The following NKAIN3 variants were observed in gnomAD, a reference collection of about 807,000 sequenced individuals.
NKAIN3 encodes sodium/potassium transporting ATPase interacting 3, also known as sodium/potassium-transporting ATPase subunit beta-1-interacting protein 3.
NKAIN3 carries 25 observed loss-of-function variants against 30.2 expected under a neutral mutation model. The observed-to-expected ratio is 0.83, with a 90% CI of 0.60 to 1.16. The LOEUF (loss-of-function observed/expected upper bound fraction) is 1.16, where lower values mean the gene tolerates loss of function less well. Ranked by LOEUF, NKAIN3 falls within the 50% of genes most tolerant of loss-of-function variation. NKAIN3 has a pLI of 0.00. For synonymous variants in NKAIN3, 91 were observed against 89.6 expected, an observed-to-expected ratio of 1.02 and a Z score of -0.09; for missense variants, 225 against 254.1, an observed-to-expected ratio of 0.89 and a Z score of 0.78.
chr8:62,607,369 G>A (rs1406021363), intron 3 of NKAIN3, among the ~76,000 whole-genome samples: 2 of 152,098 alleles, frequency 1.3e-5, no homozygotes, highest in Admixed American at 6.6e-5. Flanking sequence ...AACTATGTGT[G>A]TACAAATGGG....
intron 1 of NKAIN3, among the ~76,000 whole-genome samples, chr8:62,307,201 T>C (rs1341035012): frequency 6.7e-6 from 1 of 148,460 alleles, no homozygotes; most frequent in East Asian, 2.0e-4. Context: ...ATTTTAAATA[T>C]CCTACTTAAT....
At position 62,407,214 on chromosome 8, in the gene NKAIN3, A is replaced by AT. The variant is rs1266842778; in HGVS notation, c.54+158092dup. The stretch of plus-strand genomic sequence containing the variant: ...GATAAACATATTAATATTTTAATAG[A>AT]TTTTTCCAATATTTTGTGTATATAT... On this transcript the variant is annotated intron_variant, in intron 1 of 6. Transcript: ENST00000623646. Among the ~76,000 whole-genome samples, 5 of 151,866 alleles carry AT rather than the reference A, an allele frequency of 3.3e-5. No individual in the cohort carries two copies. In the South Asian group the frequency reaches 1.0e-3, roughly 31 times the overall value.
chr8:62,420,682 A>T (rs1393705601), intron 1 of NKAIN3, among the ~76,000 whole-genome samples: 1 of 152,198 alleles, frequency 6.6e-6, no homozygotes, highest in Non-Finnish European at 1.5e-5. Flanking sequence ...TGTGTTTTGG[A>T]TTAAGTTTGA....
intron 4 of NKAIN3, among the ~76,000 whole-genome samples, chr8:62,897,337 A>G (rs1228182486): frequency 6.6e-6 from 1 of 151,398 alleles, no homozygotes; most frequent in East Asian, 2.0e-4. Flanking sequence ...TTGTATTGTA[A>G]GAAAAGCTTA....
At chr8:62,611,995 G>C (rs1811309340) in intron 3 of NKAIN3, among the ~76,000 whole-genome samples, 1 of 152,052 alleles carries the variant, frequency 6.6e-6, no homozygotes, top group East Asian at 1.9e-4. Context: ...CCTGTGGTGA[G>C]ATGATATCTC....
rs1317420081 is a variant in NKAIN3 at position 62,973,257 on chromosome 8, C to T, written c.*7850C>T. 6.6e-6 allele frequency among the ~76,000 whole-genome samples: 1 copy of T among 152,204 alleles called. No individual in the cohort carries two copies. The highest frequency in any genetic ancestry group is 2.4e-5 in the African/African-American group (1 of 41,456). On this transcript the variant is annotated 3_prime_UTR_variant, in exon 7 of 7. Transcript: ENST00000623646. ...TGAGGAATTGCCACACTGTCATCCACAATGGTTGAAGTAAATTACACTCCC... is the reference window on the plus strand; with the variant it reads ...TGAGGAATTGCCACACTGTCATCCATAATGGTTGAAGTAAATTACACTCCC...
At chr8:62,449,956 CA>C (rs1207665050) in intron 1 of NKAIN3, among the ~76,000 whole-genome samples, 1 of 152,060 alleles carries the variant, frequency 6.6e-6, no homozygotes, top group Non-Finnish European at 1.5e-5. Context: ...TTAGAGGAAG[CA>C]AAATAATGAC....
chr8:62,741,454 C>A (rs1031602050), intron 3 of NKAIN3, among the ~76,000 whole-genome samples: 1 of 151,966 alleles, frequency 6.6e-6, no homozygotes, highest in Non-Finnish European at 1.5e-5. Flanking sequence ...CTCCAACCTT[C>A]CTAAAAGCAG....
chr8:62,267,668 A>G (rs1812649888), intron 1 of NKAIN3, among the ~76,000 whole-genome samples: 2 of 152,310 alleles, frequency 1.3e-5, no homozygotes, highest in East Asian at 1.9e-4. Context: ...CAGTTGTTCA[A>G]TAGGTATTCA....
Position 62,978,714 on chromosome 8 carries a change from G to C in NKAIN3, c.*13307G>C, listed in dbSNP as rs1212664132. 6.5e-6 allele frequency: 1 copy of C among 153,060 alleles called. No individual in the cohort carries two copies. The highest frequency in any genetic ancestry group is 1.5e-5 in the Non-Finnish European group (1 of 68,460). 9.5% of individuals were successfully genotyped at this position (153,060 alleles called of 1,614,324 possible). Reference sequence around the variant, plus strand: ...CTCCCTGGTTTCAGCCCCCTTTCCAGGGGAGTGAATGGTTCTGTCTCTCTG... The same window carrying C: ...CTCCCTGGTTTCAGCCCCCTTTCCACGGGAGTGAATGGTTCTGTCTCTCTG... On this transcript the variant is annotated 3_prime_UTR_variant, in exon 7 of 7. Coordinates refer to ENST00000623646, the MANE Select transcript of NKAIN3 (RefSeq NM_001304533.3).
chr8:62,824,558 A>G (rs1382004112), intron 4 of NKAIN3, among the ~76,000 whole-genome samples: 1 of 151,972 alleles, frequency 6.6e-6, no homozygotes, highest in African/African-American at 2.4e-5. Context: ...TCTAAAAATG[A>G]TAGACACAAC....
intron 1 of NKAIN3, among the ~76,000 whole-genome samples, chr8:62,380,132 T>A (rs1817226202): frequency 6.6e-6 from 1 of 152,218 alleles, no homozygotes; most frequent in East Asian, 1.9e-4. Flanking sequence ...AACATGTATT[T>A]GTTTGAAATA....
chr8:62,358,929 CCCAGCACTTTG>C (rs1294902891), intron 1 of NKAIN3, among the ~76,000 whole-genome samples: 1 of 152,124 alleles, frequency 6.6e-6, no homozygotes, highest in African/African-American at 2.4e-5. Context: ...CGCCTGTAAT[CCCAGCACTTTG>C]GGAGGCCAAG....
intron 3 of NKAIN3, among the ~76,000 whole-genome samples, chr8:62,688,049 T>G (rs993532365): frequency 9.2e-5 from 14 of 152,268 alleles, no homozygotes; most frequent in Non-Finnish European, 1.9e-4. Flanking sequence ...ATTAGAAGTT[T>G]CCAAATTCAA....
At chr8:62,304,972 A>C (rs931953296) in intron 1 of NKAIN3, among the ~76,000 whole-genome samples, 10 of 150,616 alleles carry the variant, frequency 6.6e-5, no homozygotes, top group African/African-American at 2.5e-4. Context: ...TCTAGGCCTC[A>C]TTAGCTATGT....
chr8:62,430,371 G>A (rs1718038076), intron 1 of NKAIN3, among the ~76,000 whole-genome samples: 2 of 84,500 alleles, frequency 2.4e-5, no homozygotes, highest in South Asian at 5.5e-4. Context: ...ATTGTGGTGT[G>A]TGTGTGTGTG....
rs1196830837 is a variant in NKAIN3, at chr8:62,415,765, A to ATTC, written c.55-163772_55-163771insCTT. On this transcript the variant is annotated intron_variant, in intron 1 of 6. Transcript: ENST00000623646. ...TTTATTAAGAATTATTATTATTATT[A>ATTC]TTATTATTTTGAGACAGAGTCTCGC... Among the ~76,000 whole-genome samples the ATTC allele has an allele frequency of 7.1e-4, 106 of 150,244 alleles. 1 individual carries two copies. Among genetic ancestry groups the ATTC allele is most frequent in the Middle Eastern group, 3.5e-3 (1 of 284 alleles).
At chr8:62,652,129 T>TAATCAGCTCCCAAGGCCC (rs1309079977) in intron 3 of NKAIN3, among the ~76,000 whole-genome samples, 60 of 152,274 alleles carry the variant, frequency 3.9e-4, no homozygotes, top group South Asian at 1.5e-3. Flanking sequence ...CTCCCTGACC[T>TAATCAGCTCCCAAGGCCC]AATCAGCTCC....
intron 3 of NKAIN3, among the ~76,000 whole-genome samples, chr8:62,745,459 C>G (rs947994576): frequency 6.6e-6 from 1 of 152,192 alleles, no homozygotes; most frequent in East Asian, 1.9e-4. Context: ...TGTCCTTGCC[C>G]GGGGACTGCT....
Sources: gnomAD v4.1 joint callset for allele counts (sites outside exome capture counted in the v4.1 genomes callset) on GRCh38, gnomAD v4.1.1 for gene constraint, MANE v1.5 for transcripts, NCBI Gene and HGNC (gene_info 2026-07-23, HGNC 2026-07-21) for gene names.